ZNF804A: variants seen among roughly 807,000 people sequenced by gnomAD.
ZNF804A encodes the protein zinc finger protein 804A.
Under a neutral mutation model 16.5 loss-of-function variants are expected in ZNF804A, and 2 were observed. The observed-to-expected ratio is 0.12, with a 90% CI of 0.05 to 0.38. The LOEUF (loss-of-function observed/expected upper bound fraction) is 0.38, where lower values mean the gene tolerates loss of function less well. Among genes scored for constraint, ZNF804A ranks in the 10% least tolerant of loss-of-function variants. The probability of loss-of-function intolerance (pLI) is 0.99; values close to 1 mark genes in which losing one functional copy is unlikely to be tolerated. For synonymous variants in ZNF804A, 534 were observed against 489.6 expected (o/e 1.09, Z -1.20); for missense variants, 1,473 against 1,390.7 (o/e 1.06, Z -0.94).
intron 1 of ZNF804A, among the ~76,000 whole-genome samples, chr2:184,674,157 C>T (rs546774948): frequency 9.9e-5 from 15 of 152,090 alleles, no homozygotes; most frequent in South Asian, 2.1e-4. Context: ...GTCTGTTCCT[C>T]ATTTCTCTGT....
At chr2:184,715,527 A>G (rs1693199375) in intron 1 of ZNF804A, among the ~76,000 whole-genome samples, 1 of 152,094 alleles carries the variant, frequency 6.6e-6, no homozygotes, top group Non-Finnish European at 1.5e-5. Context: ...AGCTAGGACT[A>G]CAGGCATATG....
chr2:184,766,404 A>C (rs1213409229), intron 1 of ZNF804A, among the ~76,000 whole-genome samples: 7 of 152,040 alleles, frequency 4.6e-5, no homozygotes. Context: ...TCATAGATAT[A>C]CCCAAAAGAT....
chr2:184,642,244 A>G (rs1691806498), intron 1 of ZNF804A, among the ~76,000 whole-genome samples: 1 of 152,102 alleles, frequency 6.6e-6, no homozygotes, highest in Non-Finnish European at 1.5e-5. Context: ...GAGTTCCCTA[A>G]CTTTATGACC....
intron 1 of ZNF804A, among the ~76,000 whole-genome samples, chr2:184,644,115 T>C (rs10198049): frequency 0.56 from 85,086 of 151,306 alleles, 24,938 homozygotes; most frequent in African/African-American, 0.69. Flanking sequence ...TTAGGAATTC[T>C]GTCTTCAACC....
intron 1 of ZNF804A, among the ~76,000 whole-genome samples, chr2:184,747,453 A>G (rs999627927): frequency 5.3e-5 from 8 of 150,746 alleles, no homozygotes; most frequent in Non-Finnish European, 1.0e-4. Flanking sequence ...ATTTTAATAT[A>G]TTTTACAATG....
intron 1 of ZNF804A, among the ~76,000 whole-genome samples, chr2:184,775,628 C>T (rs567566450): frequency 6.6e-6 from 1 of 151,616 alleles, no homozygotes; most frequent in South Asian, 2.1e-4. Context: ...TAGTAAACAA[C>T]AAATTGTTCT....
intron 1 of ZNF804A, among the ~76,000 whole-genome samples, chr2:184,739,345 T>C (rs768412692): frequency 1.3e-5 from 2 of 152,194 alleles, no homozygotes; most frequent in African/African-American, 4.8e-5. Flanking sequence ...TTGTTAATAA[T>C]TCCTGCCATA....
chr2:184,698,024 T>C (rs1692861007), intron 1 of ZNF804A, among the ~76,000 whole-genome samples: 2 of 152,070 alleles, frequency 1.3e-5, no homozygotes, highest in African/African-American at 4.8e-5. Context: ...ATTGAAGTTT[T>C]AGCTCCCTTT....
intron 1 of ZNF804A, among the ~76,000 whole-genome samples, chr2:184,752,418 A>T (rs1460074675): frequency 6.6e-6 from 1 of 151,688 alleles, no homozygotes. Context: ...TACAAGTGGG[A>T]CTAAATAATG....
chr2:184,880,462 A>AT (rs201041949), intron 2 of ZNF804A, among the ~76,000 whole-genome samples: 1 of 151,936 alleles, frequency 6.6e-6, no homozygotes, highest in East Asian at 1.9e-4. Flanking sequence ...GTTAAGACAC[A>AT]TTTTTTAAAA....
chr2:184,913,234 T>A (rs1685390638), intron 2 of ZNF804A, among the ~76,000 whole-genome samples: 1 of 152,200 alleles, frequency 6.6e-6, no homozygotes, highest in Admixed American at 6.5e-5. Flanking sequence ...ACATTATGTT[T>A]ACATTGTGTA....
At chr2:184,882,717 A>C (rs1329937645) in intron 2 of ZNF804A, among the ~76,000 whole-genome samples, 1 of 152,132 alleles carries the variant, frequency 6.6e-6, no homozygotes, top group East Asian at 1.9e-4. Context: ...TGAAGGCAGA[A>C]ATCAAGAAAT....
intron 1 of ZNF804A, among the ~76,000 whole-genome samples, chr2:184,696,736 C>A (rs1692837003): frequency 6.6e-6 from 1 of 151,996 alleles, no homozygotes; most frequent in Non-Finnish European, 1.5e-5. Flanking sequence ...GTTAATCACT[C>A]AAAACCAACA....
chr2:184,896,299 T>G (rs1685068696), intron 2 of ZNF804A, among the ~76,000 whole-genome samples: 1 of 152,090 alleles, frequency 6.6e-6, no homozygotes, highest in Admixed American at 6.6e-5. Flanking sequence ...GAAATCTAAA[T>G]AATATGTGTG....
intron 2 of ZNF804A, among the ~76,000 whole-genome samples, chr2:184,897,234 A>G (rs1321711037): frequency 1.3e-5 from 2 of 152,142 alleles, no homozygotes; most frequent in Non-Finnish European, 2.9e-5. Flanking sequence ...CATAATATCA[A>G]GGGTACATAC....
At chr2:184,762,375 A>G (rs1482079173) in intron 1 of ZNF804A, among the ~76,000 whole-genome samples, 1 of 151,962 alleles carries the variant, frequency 6.6e-6, no homozygotes, top group African/African-American at 2.4e-5. Context: ...AATATATCGC[A>G]TAAGGTCATG....
At chr2:184,682,684 A>G (rs1446979443) in intron 1 of ZNF804A, among the ~76,000 whole-genome samples, 1 of 152,192 alleles carries the variant, frequency 6.6e-6, no homozygotes, top group Non-Finnish European at 1.5e-5. Flanking sequence ...ATCAATCTGA[A>G]TTTTGTGGCG....
intron 1 of ZNF804A, among the ~76,000 whole-genome samples, chr2:184,846,513 T>TTA (rs1319309538): frequency 6.6e-6 from 1 of 152,084 alleles, no homozygotes; most frequent in Admixed American, 6.6e-5. Flanking sequence ...TGTATGGATT[T>TTA]TATATATATG....
At chr2:184,637,797 A>G (rs1302601809) in intron 1 of ZNF804A, among the ~76,000 whole-genome samples, 1 of 152,178 alleles carries the variant, frequency 6.6e-6, no homozygotes, top group Non-Finnish European at 1.5e-5. Context: ...TTTCTGGGCC[A>G]CTGTAGCTTG....
Sources: allele counts gnomAD v4.1 joint callset (sites outside exome capture counted in the v4.1 genomes callset), GRCh38; gene constraint gnomAD v4.1.1; transcripts MANE v1.5; gene names NCBI Gene and HGNC (gene_info 2026-07-23, HGNC 2026-07-21).